The following AP1G2 variants were observed in gnomAD, a reference collection of about 807,000 sequenced individuals.
AP1G2 encodes AP-1 complex subunit gamma-like 2.
Under a neutral mutation model 95.8 loss-of-function variants are expected in AP1G2, and 85 were observed. That is an observed-to-expected ratio of 0.89 (90% CI 0.74 to 1.06). AP1G2 has a LOEUF of 1.06. Ranked by LOEUF, AP1G2 falls within the 50% of genes least tolerant of loss-of-function variation. The pLI is 0.00. For missense variants in AP1G2, 967 were observed against 1,005.8 expected (o/e 0.96, Z 0.52); for synonymous variants, 378 against 400.0 (o/e 0.94, Z 0.66).
intron 3 of AP1G2, 67 bp downstream of exon 3, chr14:23,566,495 C>T (rs1595370748): frequency 1.9e-6 from 3 of 1,607,870 alleles, no homozygotes; most frequent in Non-Finnish European, 2.6e-6. Flanking sequence ...CAGGCAGTCC[C>T]CTGGGATTTC....
intron 14 of AP1G2, chr14:23,562,960 T>C (rs1885842031): frequency 1.3e-6 from 1 of 748,022 alleles, no homozygotes; most frequent in African/African-American, 1.8e-5. Context: ...AGGATGGAAA[T>C]GTGAGAGGGT....
Position 23,561,314 on chromosome 14 carries a change from AG to A in AP1G2, c.1974del (p.Cys659ValfsTer22). The A allele has an allele frequency of 6.5e-7, 1 of 1,547,320 alleles. No homozygotes were observed. Among genetic ancestry groups the A allele is most frequent in the Non-Finnish European group, 8.7e-7 (1 of 1,148,272 alleles). ...GGALVHLLDLPCVPPPPAPIP... is the reference protein window; with the variant it reads ...GGALVHLLDLXCVPPPPAPIP... ...GGCTTACCTGGGGGTGGAGGTACAC[AG>A]GGAAGGTCAAGCAGGTGTACCAGGG... On this transcript the variant is annotated frameshift_variant, in exon 19 of 22. Transcript: ENST00000397120. LOFTEE classifies it high-confidence loss of function.
chr14:23,561,456 G>T, intron 18 of AP1G2, 25 bp from the exon 19 acceptor site: 2 of 1,613,920 alleles, frequency 1.2e-6, no homozygotes, highest in South Asian at 1.1e-5. Context: ...AGAAGGGGCA[G>T]GGCTGGGTAT....
chr14:23,567,575 C>A lies in AP1G2; in HGVS notation c.-6+164G>T. 7 of 1,288,114 alleles carry A rather than the reference C, an allele frequency of 5.4e-6. No homozygotes were observed. Among genetic ancestry groups the A allele is most frequent in the Non-Finnish European group, 6.9e-6 (7 of 1,020,222 alleles). The allele number at this position is 1,288,114 out of a possible 1,614,324, so 79.8% of individuals were successfully genotyped here. On this transcript the variant is annotated intron_variant, in intron 1 of 21. Coordinates refer to ENST00000397120, the MANE Select transcript of AP1G2 (RefSeq NM_003917.5). This position sits in a 1 kb window ranked among gnomAD's most constrained non-coding sequence, Gnocchi z 5.3. The stretch of plus-strand genomic sequence containing the variant: ...ATGCGCGGGAGCCCCACCTATTTCT[C>A]TCTACCGTTTCCTCCCCCTACCTGG...
chr14:23,565,043 C>T (rs1887091351), intron 8 of AP1G2, 76 bp downstream of exon 8: 13 of 1,378,814 alleles, frequency 9.4e-6, no homozygotes, highest in Middle Eastern at 1.8e-4. Flanking sequence ...TGCACAGTGA[C>T]GAGTCATGTG....
intron 11 of AP1G2, 53 bp from the exon 12 acceptor site, chr14:23,563,909 G>A: frequency 6.2e-7 from 1 of 1,603,252 alleles, no homozygotes. Context: ...CCTGGTCCAT[G>A]CCTCAGGCCC....
intron 20 of AP1G2, 24 bp downstream of exon 20, chr14:23,560,231 C>T (rs750245126): frequency 3.1e-6 from 5 of 1,611,668 alleles, no homozygotes; most frequent in Non-Finnish European, 4.2e-6. Flanking sequence ...CCCAGGCCAC[C>T]TCTGAACTCT....
In AP1G2 at chr14:23,567,195, G is replaced by C. The variant is rs755587310; in HGVS notation, c.120C>G (p.Arg40=). The change falls in exon 2 of 22, where the codon CGC becomes CGG. Residue 40 remains arginine (R), a synonymous_variant. Coordinates refer to ENST00000397120, the MANE Select transcript of AP1G2 (RefSeq NM_003917.5). This position sits in a 1 kb window ranked among gnomAD's most constrained non-coding sequence, Gnocchi z 5.3. ...GGTGCCTGTGCACTGGGTCCCCGTC[G>C]CGGAAGGAGGCCCGGATGTGGGCAC... ...KECAHIRASF[R]DGDPVHRHRQ... 1 of 1,613,026 alleles carries C rather than the reference G, an allele frequency of 6.2e-7. No homozygotes were observed. The highest frequency in any genetic ancestry group is 1.3e-5 in the African/African-American group (1 of 75,002).
chr14:23,564,639 T>G lies in AP1G2; in HGVS notation c.844A>C (p.Ser282Arg). The change falls in exon 9 of 22, where the codon AGC becomes CGC. Residue 282 changes from serine (S) to arginine (R), a missense_variant. Physicochemically the swap from Ser to Arg is moderately radical, Grantham distance 110. Transcript: ENST00000397120. ...LAQVATNTDT[S>R]RNAGNAVLFE... Reference sequence around the variant, plus strand: ...AGGACCGCATTTCCGGCATTTCGGCTGGTGTCCGTGTTAGTGGCCACCTGA... The same window carrying G: ...AGGACCGCATTTCCGGCATTTCGGCGGGTGTCCGTGTTAGTGGCCACCTGA... The G allele has an allele frequency of 6.2e-7, 1 of 1,613,832 alleles. No individual in the cohort carries two copies. The highest frequency in any genetic ancestry group is 8.5e-7 in the Non-Finnish European group (1 of 1,180,004).
Position 23,567,566 on chromosome 14 carries a change from C to A in AP1G2, c.-6+173G>T. The A allele has an allele frequency of 7.7e-7, 1 of 1,305,930 alleles. No homozygotes were observed. The highest frequency in any genetic ancestry group is 9.7e-7 in the Non-Finnish European group (1 of 1,031,398). The allele number at this position is 1,305,930 out of a possible 1,614,324, so 80.9% of individuals were successfully genotyped here. A position where few individuals can be genotyped will look rare whatever the true frequency, so the allele number is the denominator to read the frequency against. ...CTATTGAGCATGCGCGGGAGCCCCA[C>A]CTATTTCTCTCTACCGTTTCCTCCC... is the stretch of plus-strand genomic sequence containing the variant. On this transcript the variant is annotated intron_variant, in intron 1 of 21. Coordinates refer to ENST00000397120, the MANE Select transcript of AP1G2 (RefSeq NM_003917.5). The surrounding 1 kb of genome is among the most constrained non-coding windows in gnomAD (Gnocchi z 5.3).
intron 16 of AP1G2, 70 bp from the exon 17 acceptor site, chr14:23,562,136 C>T (rs1885133030): frequency 1.3e-6 from 2 of 1,598,806 alleles, no homozygotes; most frequent in Admixed American, 3.4e-5. Flanking sequence ...AGGAAAGGCC[C>T]ACGGAGCAGG....
At chr14:23,563,956 T>TA in intron 11 of AP1G2, 90 bp downstream of exon 11, 1 of 1,603,024 alleles carries the variant, frequency 6.2e-7, no homozygotes, top group Non-Finnish European at 8.5e-7. Flanking sequence ...TTAGTCCCCT[T>TA]ACTCCAGCTG....
rs143788298 is a variant in AP1G2 at position 23,559,984 on chromosome 14, C to T, written c.2210G>A (p.Gly737Asp). Reference protein sequence around the residue: ...APSGNTVPARGGLPITQLFRI... With the variant: ...APSGNTVPARDGLPITQLFRI... ...GAAGAGCTGGGTGATAGGAAGGCCA[C>T]CCCGAGCTGGAACTGTGTTCCCACT... is the stretch of plus-strand genomic sequence containing the variant. Residue 737 changes from glycine to aspartate, a missense_variant, in exon 21 of 22, where the codon GGT (glycine) becomes GAT (aspartate). Gly to Asp is a moderately conservative substitution (Grantham distance 94, BLOSUM62 -1). Transcript: ENST00000397120. The T allele has an allele frequency of 1.8e-5, 29 of 1,613,222 alleles. No homozygotes were observed. The highest frequency in any genetic ancestry group is 1.5e-4 in the Admixed American group (9 of 59,938).
Position 23,559,955 on chromosome 14 carries a change from T to C in AP1G2, c.2239A>G (p.Ile747Val), listed in dbSNP as rs1305878059. 7 of 1,613,324 alleles carry C rather than the reference T, an allele frequency of 4.3e-6. No homozygotes were observed. The South Asian group carries it at 7.7e-5, about 18-fold the overall frequency. ...GGLPITQLFRILNPNKAPLRL... is the reference protein window; with the variant it reads ...GGLPITQLFRVLNPNKAPLRL... ...AAGCTCACCTTGTTAGGATTGAGGATTCTGAAGAGCTGGGTGATAGGAAGG... is the reference window on the plus strand; with the variant it reads ...AAGCTCACCTTGTTAGGATTGAGGACTCTGAAGAGCTGGGTGATAGGAAGG... Residue 747 changes from isoleucine to valine, a missense_variant, in exon 21 of 22, where the codon ATC (isoleucine) becomes GTC (valine). Transcript: ENST00000397120.
At chr14:23,564,206 C>T (rs371893575) in intron 10 of AP1G2, 47 bp from the exon 11 acceptor site, 1 of 1,611,498 alleles carries the variant, frequency 6.2e-7, no homozygotes, top group African/African-American at 1.3e-5. Context: ...CATCAGCCCC[C>T]ACTCCCCGTC....
intron 19 of AP1G2, 48 bp downstream of exon 19, chr14:23,561,248 C>T: frequency 6.6e-7 from 1 of 1,511,920 alleles, no homozygotes; most frequent in Non-Finnish European, 8.8e-7. Context: ...AGGAGCAGTA[C>T]ATTTCCACCT....
chr14:23,561,451 G>GGGCA lies in AP1G2; in HGVS notation c.1858-24_1858-21dup. On this transcript the variant is annotated intron_variant, in intron 18 of 21. Transcript: ENST00000397120. ...TGAGGCCTGGCAGAAGGGACAGAAGGGGCAGGGCTGGGTATGAAGCTCAGC... is the reference window on the plus strand; with the variant it reads ...TGAGGCCTGGCAGAAGGGACAGAAGGGGCAGGCAGGGCTGGGTATGAAGCTCAGC... 1 of 1,613,708 alleles carries GGGCA rather than the reference G, an allele frequency of 6.2e-7. No homozygotes were observed. The highest frequency in any genetic ancestry group is 2.2e-5 in the East Asian group (1 of 44,874).
At chr14:23,560,778 CAAAAAAAAAAA>C (rs59524126) in intron 19 of AP1G2, 1,862 of 15,824 alleles carry the variant, frequency 0.12, 36 homozygotes, top group Non-Finnish European at 0.2. Flanking sequence ...GACGCTGTCT[CAAAAAAAAAAA>C]AAAAAAAAAA....
intron 19 of AP1G2, chr14:23,560,670 T>G (rs968296198): frequency 1.9e-5 from 5 of 264,168 alleles, no homozygotes; most frequent in Middle Eastern, 1.3e-3. Flanking sequence ...AGGCCCGGAC[T>G]TGGGAGGCTG....
Sources: gnomAD v4.1 joint callset for allele counts on GRCh38, gnomAD v4.1.1 for gene constraint, Gnocchi (gnomAD v3.1) non-coding constraint, MANE v1.5 for transcripts, NCBI Gene and HGNC (gene_info 2026-07-23, HGNC 2026-07-21) for gene names.